The following SYNE2 variants were observed in gnomAD, a reference collection of about 807,000 sequenced individuals.
The protein encoded by SYNE2 is spectrin repeat containing nuclear envelope protein 2, also known as nesprin-2.
Under a neutral mutation model 856.3 loss-of-function variants are expected in SYNE2, and 431 were observed. That is an observed-to-expected ratio of 0.50 (90% CI 0.47 to 0.55). SYNE2 has a LOEUF of 0.55. Ranked by LOEUF, SYNE2 falls within the 20% of genes least tolerant of loss-of-function variation. SYNE2 has a pLI of 0.00. For synonymous variants in SYNE2, 2,923 were observed against 2,872.3 expected, an observed-to-expected ratio of 1.02 and a Z score of -0.56; for missense variants, 8,129 against 8,023.2, an observed-to-expected ratio of 1.01 and a Z score of -0.50.
chr14:64,221,544 C>G, intron 111 of SYNE2, 32 bp from the exon 112 acceptor site: 1 of 1,614,214 alleles, frequency 6.2e-7, no homozygotes, highest in African/African-American at 1.3e-5. Context: ...GGCTCTAAGA[C>G]ACGGCCGCGC....
rs116738981 is a variant in SYNE2, at chr14:64,051,360, G to A, written c.7644-197G>A. ...AAAAGCCAAGATACTCATTTTATAG[G>A]AGAGTTTTCTACACCAATTGAAAGC... On this transcript the variant is annotated intron_variant, in intron 47 of 115. Coordinates refer to ENST00000555002, the MANE Select transcript of SYNE2 (RefSeq NM_182914.3). Among the ~76,000 whole-genome samples the A allele has an allele frequency of 3.9e-3, 594 of 151,222 alleles. 1 individual carries two copies. Among genetic ancestry groups the A allele is most frequent in the African/African-American group, 0.014 (571 of 41,198 alleles).
intron 59 of SYNE2, among the ~76,000 whole-genome samples, chr14:64,090,121 C>G (rs2097597024): frequency 6.6e-6 from 1 of 152,128 alleles, no homozygotes; most frequent in Non-Finnish European, 1.5e-5. Flanking sequence ...AAACAGCAGG[C>G]AAATGTTGAT....
In SYNE2 at chr14:64,128,499, T is replaced by C. The variant is rs144540928; in HGVS notation, c.13965T>C (p.Ser4655=). The part of the protein sequence containing the change: ...LYHQLIKSKT[S]LQQSLNEISG... ...ATCAGCTCATTAAGAGTAAGACATC[T>C]TTACAACAGTCTTTGAATGAAATCA... The change falls in exon 74 of 116, where the codon TCT becomes TCC. Residue 4655 remains serine (S), a synonymous_variant. Coordinates refer to ENST00000555002, the MANE Select transcript of SYNE2 (RefSeq NM_182914.3). The C allele has an allele frequency of 6.2e-7, 1 of 1,609,956 alleles. No homozygotes were observed. Among genetic ancestry groups the C allele is most frequent in the Non-Finnish European group, 8.5e-7 (1 of 1,176,208 alleles).
chr14:64,106,819 A>T (rs908667138), intron 64 of SYNE2, among the ~76,000 whole-genome samples: 1 of 152,166 alleles, frequency 6.6e-6, no homozygotes, highest in Non-Finnish European at 1.5e-5. Context: ...TTTATGGCAT[A>T]ACTTTGAGAA....
intron 1 of SYNE2, among the ~76,000 whole-genome samples, chr14:63,793,902 G>A (rs1424844800): frequency 6.6e-6 from 1 of 151,024 alleles, no homozygotes; most frequent in Non-Finnish European, 1.5e-5. Flanking sequence ...TCATGCCACT[G>A]CACTCCAGCC....
intron 51 of SYNE2, among the ~76,000 whole-genome samples, chr14:64,068,996 C>G (rs912188810): frequency 1.3e-5 from 2 of 152,008 alleles, no homozygotes; most frequent in Admixed American, 6.5e-5. Flanking sequence ...GGAAAGTGAT[C>G]CCAGGGAACA....
chr14:64,033,911 G>C (rs1327126888), intron 45 of SYNE2, among the ~76,000 whole-genome samples: 1 of 151,874 alleles, frequency 6.6e-6, no homozygotes, highest in Admixed American at 6.6e-5. Context: ...ACATTTTGTT[G>C]CTTTATTCTT....
intron 99 of SYNE2, among the ~76,000 whole-genome samples, chr14:64,192,737 A>G (rs1307387609): frequency 6.6e-6 from 1 of 152,236 alleles, no homozygotes; most frequent in African/African-American, 2.4e-5. Flanking sequence ...CCACAGTTAC[A>G]TAGCCAGCAT....
chr14:64,156,879 G>T (rs1428024350), intron 85 of SYNE2, among the ~76,000 whole-genome samples: 1 of 152,172 alleles, frequency 6.6e-6, no homozygotes, highest in Non-Finnish European at 1.5e-5. Flanking sequence ...TCCCACTTTG[G>T]TTTTTTATCC....
At chr14:64,064,483 A>C (rs1162782036) in intron 50 of SYNE2, among the ~76,000 whole-genome samples, 4 of 151,378 alleles carry the variant, frequency 2.6e-5, no homozygotes, top group Non-Finnish European at 4.4e-5. Flanking sequence ...GTTGTTAATC[A>C]CAAGTAACTG....
rs776405288 is a variant in SYNE2 at position 64,113,423 on chromosome 14, G to A, written c.12692G>A (p.Arg4231Lys). ...TTGGAGCCCAGGGTGGAGAAAACTA[G>A]GCCGGAGCCCACAGAAGTCCTGCAT... Reference protein sequence around the residue: ...GGLEPRVEKTRPEPTEVLHAC... With the variant: ...GGLEPRVEKTKPEPTEVLHAC... Residue 4231 changes from arginine (R) to lysine (K), a missense_variant, in exon 66 of 116, where the codon AGG becomes AAG. Coordinates refer to ENST00000555002, the MANE Select transcript of SYNE2 (RefSeq NM_182914.3). 3.1e-6 allele frequency: 5 copies of A among 1,614,212 alleles called. No individual in the cohort carries two copies. Among genetic ancestry groups the A allele is most frequent in the South Asian group, 2.2e-5 (2 of 91,090 alleles).
At chr14:63,951,909 T>C (rs547835989) in intron 7 of SYNE2, among the ~76,000 whole-genome samples, 99 of 152,378 alleles carry the variant, frequency 6.5e-4, no homozygotes, top group Non-Finnish European at 1.1e-3. Flanking sequence ...TTTTCAACTG[T>C]AGAGCTTATG....
intron 1 of SYNE2, among the ~76,000 whole-genome samples, chr14:63,768,677 C>T (rs764052692): frequency 1.4e-4 from 21 of 152,112 alleles, no homozygotes; most frequent in Non-Finnish European, 2.6e-4. Context: ...TGTAGCCTGT[C>T]CGTATTGTAG....
chr14:64,003,180 A>G lies in SYNE2; in HGVS notation c.4247A>G (p.Tyr1416Cys), dbSNP rs924651426. Residue 1416 changes from tyrosine (Y) to cysteine (C), a missense_variant, in exon 30 of 116, where the codon TAT becomes TGT. Transcript: ENST00000555002. ...FSIKLSETHG[Y>C]GVQEEFTEEN... ...ATAAAGTTATCTGAGACACATGGCT[A>G]TGGGGTACAGGAGGAATTCACTGAG... The G allele has an allele frequency of 6.2e-7, 1 of 1,614,040 alleles. No individual in the cohort carries two copies. The highest frequency in any genetic ancestry group is 8.5e-7 in the Non-Finnish European group (1 of 1,180,044).
chr14:64,120,404 TGAA>T (rs1324023171), intron 67 of SYNE2, among the ~76,000 whole-genome samples: 2 of 152,266 alleles, frequency 1.3e-5, no homozygotes, highest in African/African-American at 4.8e-5. Context: ...TGAATTAGCT[TGAA>T]GAAGTAAGAT....
At chr14:63,898,802 C>T (rs966326018) in intron 1 of SYNE2, among the ~76,000 whole-genome samples, 1 of 152,100 alleles carries the variant, frequency 6.6e-6, no homozygotes, top group Non-Finnish European at 1.5e-5. Context: ...ACACTTGATT[C>T]GTACTTTAGC....
chr14:63,840,542 A>T (rs1595163360), intron 1 of SYNE2, among the ~76,000 whole-genome samples: 1 of 127,828 alleles, frequency 7.8e-6, no homozygotes, highest in African/African-American at 3.1e-5. Flanking sequence ...GGGTCTCACT[A>T]TATTGCCAGG....
chr14:64,130,271 G>T (rs2098001927), intron 76 of SYNE2, 23 bp downstream of exon 76: 1 of 1,593,006 alleles, frequency 6.3e-7, no homozygotes, highest in African/African-American at 1.3e-5. Flanking sequence ...CATGGGTCGG[G>T]TGACCCCTTC....
intron 1 of SYNE2, among the ~76,000 whole-genome samples, chr14:63,839,776 C>T (rs376117283): frequency 1.8e-4 from 27 of 152,146 alleles, no homozygotes; most frequent in Middle Eastern, 3.4e-3. Flanking sequence ...TTATTATGTG[C>T]GGAAAAGATC....
Sources: allele counts gnomAD v4.1 joint callset (sites outside exome capture counted in the v4.1 genomes callset), GRCh38; gene constraint gnomAD v4.1.1; transcripts MANE v1.5; gene names NCBI Gene and HGNC (gene_info 2026-07-23, HGNC 2026-07-21).